The following TPCN2 variants were observed in gnomAD, a reference collection of about 807,000 sequenced individuals.
The protein encoded by TPCN2 is two pore channel protein 2.
Under a neutral mutation model 111.4 loss-of-function variants are expected in TPCN2, and 92 were observed. The ratio of observed to expected loss-of-function variants is 0.83; its 90% CI spans 0.70 to 0.98. The LOEUF is 0.98. TPCN2 is among the 50% of genes least tolerant of loss of function. The probability of loss-of-function intolerance (pLI) is 0.00; values close to 1 mark genes in which losing one functional copy is unlikely to be tolerated. For synonymous variants in TPCN2, 405 were observed against 414.5 expected, an observed-to-expected ratio of 0.98 and a Z score of 0.28; for missense variants, 995 against 980.1, an observed-to-expected ratio of 1.02 and a Z score of -0.20.
rs1856347985 is a variant in TPCN2, at chr11:69,087,865, A to C, written c.2181-10A>C. 1.9e-6 allele frequency: 3 copies of C among 1,611,568 alleles called. No homozygotes were observed. In the African/African-American group the frequency reaches 4.0e-5, roughly 22 times the overall value. On this transcript the variant is annotated splice_polypyrimidine_tract_variant and intron_variant, in intron 24 of 24. Coordinates refer to ENST00000294309, the MANE Select transcript of TPCN2 (RefSeq NM_139075.4). ...GAGGCCCCTGTGTGCATCTTTCCTC[A>C]ATTCCACAGGGATATTCTGGAGGAG...
In TPCN2 at chr11:69,054,123, C is replaced by T. The variant is rs750469340; in HGVS notation, c.174+26C>T. On this transcript the variant is annotated intron_variant, in intron 2 of 24. Coordinates refer to ENST00000294309, the MANE Select transcript of TPCN2 (RefSeq NM_139075.4). ...GTCGGTGGCACCTGCTCCCTGTGGC[C>T]GGGCCTGGGGGGTGGCCGCCCTCCG... 3.5e-5 allele frequency: 56 copies of T among 1,607,064 alleles called. No individual in the cohort carries two copies. The African/African-American group carries it at 4.9e-4, about 14-fold the overall frequency.
chr11:69,079,317 C>T (rs535264073), intron 16 of TPCN2: 12 of 433,340 alleles, frequency 2.8e-5, no homozygotes, highest in East Asian at 1.2e-4. Flanking sequence ...GACTCCAGCC[C>T]GGGGAACAGC....
chr11:69,083,682 G>A (rs773972504), intron 18 of TPCN2, among the ~76,000 whole-genome samples: 15 of 152,130 alleles, frequency 9.9e-5, no homozygotes, highest in Non-Finnish European at 1.3e-4. Flanking sequence ...TGCGGGTGGC[G>A]ATGCAAGCGT....
At chr11:69,054,239 C>T (rs1335280338) in intron 2 of TPCN2, 142 bp downstream of exon 2, 4 of 675,642 alleles carry the variant, frequency 5.9e-6, no homozygotes, top group African/African-American at 5.4e-5. Flanking sequence ...AGCCTCTGGG[C>T]ACGGCTCTTC....
In TPCN2 at chr11:69,072,672, C is replaced by G; in HGVS notation, c.1107C>G (p.Val369=). The change falls in exon 12 of 25, where the codon GTC becomes GTG. Residue 369 remains valine (V), a synonymous_variant. Coordinates refer to ENST00000294309, the MANE Select transcript of TPCN2 (RefSeq NM_139075.4). ...ACTTGCTGCAGGTGCTTCAGAAGGTCCAGCTGGACAGCTCCCACAAACAGG... is the reference window on the plus strand; with the variant it reads ...ACTTGCTGCAGGTGCTTCAGAAGGTGCAGCTGGACAGCTCCCACAAACAGG... ...PQNLLQVLQK[V]QLDSSHKQAM... 2 of 1,613,836 alleles carry G rather than the reference C, an allele frequency of 1.2e-6. No homozygotes were observed. The highest frequency in any genetic ancestry group is 1.7e-6 in the Non-Finnish European group (2 of 1,180,016).
chr11:69,080,168 C>G (rs748226003), intron 17 of TPCN2, among the ~76,000 whole-genome samples: 3 of 152,254 alleles, frequency 2.0e-5, no homozygotes, highest in African/African-American at 7.2e-5. Context: ...TGGGCTCCCC[C>G]TCCCAGCACA....
At chr11:69,051,629 C>G (rs4930644) in intron 1 of TPCN2, among the ~76,000 whole-genome samples, 137 of 152,252 alleles carry the variant, frequency 9.0e-4, no homozygotes, top group African/African-American at 3.2e-3. Flanking sequence ...CCGGATGCAG[C>G]ATCTCAGCCC....
intron 7 of TPCN2, among the ~76,000 whole-genome samples, chr11:69,066,065 C>T (rs919386483): frequency 3.9e-5 from 6 of 152,084 alleles, no homozygotes; most frequent in Non-Finnish European, 7.4e-5. Flanking sequence ...GGAGTTCTGT[C>T]GGCTCTATGG....
chr11:69,075,679 C>G (rs1855721098), intron 13 of TPCN2, among the ~76,000 whole-genome samples: 3 of 152,232 alleles, frequency 2.0e-5, no homozygotes, highest in Admixed American at 6.5e-5. Flanking sequence ...GAGCTCCAGC[C>G]TTTTCGAGAG....
At chr11:69,072,447 C>T (rs934653074) in intron 11 of TPCN2, among the ~76,000 whole-genome samples, 180 bp from the exon 12 acceptor site, 16 of 152,018 alleles carry the variant, frequency 1.1e-4, no homozygotes, top group East Asian at 7.7e-4. Flanking sequence ...AGTCAGTTTG[C>T]GCCTTCTCGG....
At chr11:69,067,140 C>CCTCCTGCCT (rs1353553228) in intron 7 of TPCN2, among the ~76,000 whole-genome samples, 3 of 152,236 alleles carry the variant, frequency 2.0e-5, no homozygotes, top group African/African-American at 7.2e-5. Flanking sequence ...TCCTCCTGCC[C>CCTCCTGCCT]CTCCTGCCTC....
In TPCN2 at chr11:69,067,565, T is replaced by G; in HGVS notation, c.789T>G (p.Thr263=). 1.2e-6 allele frequency: 2 copies of G among 1,614,068 alleles called. No homozygotes were observed. Among genetic ancestry groups the G allele is most frequent in the East Asian group, 4.5e-5 (2 of 44,884 alleles). Residue 263 remains threonine, a synonymous_variant, in exon 8 of 25, where the codon ACT becomes ACG. Coordinates refer to ENST00000294309, the MANE Select transcript of TPCN2 (RefSeq NM_139075.4). ...TCCAGAACCTGCCTGAGTCTCTGAC[T>G]TCCCTCCTGGTGCTGCTGACCACGG... ...TYFQNLPESL[T]SLLVLLTTAN...
intron 1 of TPCN2, among the ~76,000 whole-genome samples, chr11:69,051,551 C>T (rs985326182): frequency 4.6e-5 from 7 of 152,188 alleles, no homozygotes; most frequent in Admixed American, 2.6e-4. Flanking sequence ...AACAGGGGAG[C>T]GGGAGCTCAG....
At chr11:69,050,787 G>T (rs938991110) in intron 1 of TPCN2, among the ~76,000 whole-genome samples, 1 of 152,260 alleles carries the variant, frequency 6.6e-6, no homozygotes, top group Non-Finnish European at 1.5e-5. Flanking sequence ...CACAGGGCCC[G>T]GCGGGCTGGT....
chr11:69,075,746 T>C (rs921331788), intron 13 of TPCN2, among the ~76,000 whole-genome samples: 1 of 152,198 alleles, frequency 6.6e-6, no homozygotes, highest in African/African-American at 2.4e-5. Context: ...AGGGAGTCGG[T>C]TGGTGCTTGC....
At chr11:69,068,154 G>A (rs1036403248) in intron 8 of TPCN2, among the ~76,000 whole-genome samples, 1 of 152,240 alleles carries the variant, frequency 6.6e-6, no homozygotes, top group Non-Finnish European at 1.5e-5. Context: ...CCAGGATGGA[G>A]GCCACGGTCC....
In TPCN2 at chr11:69,072,028, G is replaced by A. The variant is rs200427207; in HGVS notation, c.1061+5G>A. The A allele has an allele frequency of 3.6e-5, 58 of 1,611,366 alleles. No homozygotes were observed. The highest frequency in any genetic ancestry group is 4.4e-5 in the Non-Finnish European group (52 of 1,178,266). On this transcript the variant is annotated splice_donor_5th_base_variant and intron_variant, in intron 11 of 24. Coordinates refer to ENST00000294309, the MANE Select transcript of TPCN2 (RefSeq NM_139075.4). ...GGGAGGAGCCTTCCCTCAGGCGTGAGTGCTGGGCATGGACCCTCTTCTCCC... is the reference window on the plus strand; with the variant it reads ...GGGAGGAGCCTTCCCTCAGGCGTGAATGCTGGGCATGGACCCTCTTCTCCC...
chr11:69,066,885 C>T (rs1031349124), intron 7 of TPCN2, among the ~76,000 whole-genome samples: 4 of 152,164 alleles, frequency 2.6e-5, no homozygotes, highest in African/African-American at 4.8e-5. Flanking sequence ...AGTTGCTTTC[C>T]GAGCAGAAAC....
At chr11:69,079,168 C>T in intron 16 of TPCN2, 148 bp downstream of exon 16, 3 of 1,082,326 alleles carry the variant, frequency 2.8e-6, no homozygotes, top group South Asian at 3.3e-5. Context: ...GCTGGCTTCC[C>T]TGCTGGCCGA....
Sources: gnomAD v4.1 joint callset for allele counts (sites outside exome capture counted in the v4.1 genomes callset) on GRCh38, gnomAD v4.1.1 for gene constraint, MANE v1.5 for transcripts, NCBI Gene and HGNC (gene_info 2026-07-23, HGNC 2026-07-21) for gene names.